Variants in MYO9A observed in about 807,000 individuals in gnomAD.
MYO9A encodes the protein myosin IXA, also known as unconventional myosin-IXa.
A neutral mutation model predicts 293.3 loss-of-function variants in MYO9A; 103 were observed. The ratio of observed to expected loss-of-function variants is 0.35; its 90% confidence interval spans 0.30 to 0.41. The LOEUF (loss-of-function observed/expected upper bound fraction) is 0.41, where lower values mean the gene tolerates loss of function less well. Among genes scored for constraint, MYO9A ranks in the 10% least tolerant of loss-of-function variants. The pLI, the probability that MYO9A is intolerant of heterozygous loss-of-function variation, is 1.00. For missense variants in MYO9A, 2,685 were observed against 3,033.0 expected, an observed-to-expected ratio of 0.89 and a Z score of 2.69; for synonymous variants, 1,001 against 1,035.7, an observed-to-expected ratio of 0.97 and a Z score of 0.64.
chr15:72,112,063 G>C (rs559416969), intron 1 of MYO9A, among the ~76,000 whole-genome samples: 3 of 152,038 alleles, frequency 2.0e-5, no homozygotes, highest in South Asian at 2.1e-4. Context: ...TCCACTTAAT[G>C]GATTTAAGAT....
At chr15:72,090,859 T>C (rs2079882062) in intron 1 of MYO9A, among the ~76,000 whole-genome samples, 1 of 151,966 alleles carries the variant, frequency 6.6e-6, no homozygotes, top group Non-Finnish European at 1.5e-5. Context: ...TGATACTGTA[T>C]ATAAATAAAC....
Position 72,000,599 on chromosome 15 carries a change from T to C in MYO9A, c.1381-659A>G, listed in dbSNP as rs1231274444. 2.0e-5 allele frequency among the ~76,000 whole-genome samples: 3 copies of C among 152,222 alleles called. No homozygotes were observed. In the East Asian group the frequency reaches 5.8e-4, roughly 29 times the overall value. ...TAATGTTTATCTATAAAGTACCATATTGCCCATATGTTCTTCAGATCTAAC... is the reference window on the plus strand; with the variant it reads ...TAATGTTTATCTATAAAGTACCATACTGCCCATATGTTCTTCAGATCTAAC... On this transcript the variant is annotated intron_variant, in intron 8 of 41. Coordinates refer to ENST00000356056, the MANE Select transcript of MYO9A (RefSeq NM_006901.4).
At chr15:71,854,103 C>G (rs1371355236) in intron 35 of MYO9A, among the ~76,000 whole-genome samples, 1 of 152,162 alleles carries the variant, frequency 6.6e-6, no homozygotes, top group African/African-American at 2.4e-5. Flanking sequence ...TTCTCTTTGT[C>G]AATCAGAGGT....
chr15:71,995,190 AT>A (rs1235919005), intron 9 of MYO9A, among the ~76,000 whole-genome samples: 1 of 152,184 alleles, frequency 6.6e-6, no homozygotes, highest in African/African-American at 2.4e-5. Flanking sequence ...AGAAGGTATA[AT>A]TGGAAGTTTA....
intron 1 of MYO9A, among the ~76,000 whole-genome samples, chr15:72,081,966 A>G (rs1006081368): frequency 4.6e-5 from 7 of 152,134 alleles, no homozygotes; most frequent in African/African-American, 1.7e-4. Flanking sequence ...AGTCTGGTAG[A>G]TGCCTCCAAC....
chr15:71,956,165 C>T (rs937361024), intron 14 of MYO9A, among the ~76,000 whole-genome samples: 2 of 150,836 alleles, frequency 1.3e-5, no homozygotes, highest in African/African-American at 4.9e-5. Context: ...AAAGAAAAGG[C>T]CAGGCATGGT....
At chr15:71,939,086 T>C (rs1480148681) in intron 15 of MYO9A, 159 bp from the exon 16 acceptor site, 3 of 535,924 alleles carry the variant, frequency 5.6e-6, no homozygotes, top group African/African-American at 2.0e-5. Context: ...ATAACTGTCA[T>C]AGATCTTAGT....
chr15:72,098,859 G>C (rs1382354001), intron 1 of MYO9A, among the ~76,000 whole-genome samples: 1 of 151,724 alleles, frequency 6.6e-6, no homozygotes, highest in African/African-American at 2.4e-5. Flanking sequence ...ATCATATTTT[G>C]GTTAGAAAAG....
chr15:71,844,263 C>T (rs1389531034), intron 39 of MYO9A, among the ~76,000 whole-genome samples: 1 of 152,176 alleles, frequency 6.6e-6, no homozygotes, highest in Non-Finnish European at 1.5e-5. Flanking sequence ...TCCATCTCTC[C>T]CTCCTTCCTT....
intron 41 of MYO9A, among the ~76,000 whole-genome samples, chr15:71,827,528 CAAAACAA>C (rs1320304963): frequency 4.0e-5 from 6 of 151,390 alleles, no homozygotes; most frequent in Admixed American, 6.6e-5. Flanking sequence ...CAAAACAAAA[CAAAACAA>C]AAAACAAAAA....
chr15:72,081,613 T>G (rs977301852), intron 1 of MYO9A, among the ~76,000 whole-genome samples: 1 of 152,246 alleles, frequency 6.6e-6, no homozygotes, highest in Non-Finnish European at 1.5e-5. Flanking sequence ...ATAAAATCTT[T>G]GCCCATTCCT....
In MYO9A at chr15:71,826,682, G is replaced by A. The variant is rs746077889; in HGVS notation, c.7545C>T (p.Thr2515=). The A allele has an allele frequency of 6.2e-7, 1 of 1,614,036 alleles. No homozygotes were observed. The highest frequency in any genetic ancestry group is 2.2e-5 in the East Asian group (1 of 44,868). ...VKNSPQKTKE[T]PEGTVMSGRR... is the part of the protein sequence containing the mutation. ...GGCCAGACATGACTGTCCCCTCTGG[G>A]GTCTCTTTGGTTTTCTGAGGTGAGT... The change falls in exon 42 of 42, where the codon ACC becomes ACT. Residue 2515 remains threonine, a synonymous_variant. Coordinates refer to ENST00000356056, the MANE Select transcript of MYO9A (RefSeq NM_006901.4).
intron 4 of MYO9A, among the ~76,000 whole-genome samples, chr15:72,027,268 T>A (rs1247778610): frequency 6.6e-6 from 1 of 152,218 alleles, no homozygotes; most frequent in Non-Finnish European, 1.5e-5. Context: ...AACCCTCTCT[T>A]AACCAAATCT....
intron 1 of MYO9A, among the ~76,000 whole-genome samples, chr15:72,099,151 A>C (rs1207666368): frequency 6.6e-6 from 1 of 152,130 alleles, no homozygotes; most frequent in African/African-American, 2.4e-5. Context: ...AAAAGTAGCC[A>C]GGTCCAGGCC....
intron 18 of MYO9A, among the ~76,000 whole-genome samples, chr15:71,926,662 G>A (rs1047239182): frequency 2.0e-5 from 3 of 152,186 alleles, no homozygotes; most frequent in South Asian, 2.1e-4. Flanking sequence ...AGCCACGATC[G>A]TACCACTGTA....
At chr15:71,992,593 G>A (rs529851546) in intron 10 of MYO9A, among the ~76,000 whole-genome samples, 1 of 151,994 alleles carries the variant, frequency 6.6e-6, no homozygotes, top group African/African-American at 2.4e-5. Flanking sequence ...ATGACTGTGA[G>A]TTTACCTGAA....
intron 3 of MYO9A, among the ~76,000 whole-genome samples, chr15:72,030,328 C>T (rs1656859537): frequency 1.3e-5 from 2 of 152,114 alleles, no homozygotes; most frequent in Admixed American, 1.3e-4. Context: ...GATCACACAG[C>T]TAGTAAAAAG....
intron 19 of MYO9A, among the ~76,000 whole-genome samples, chr15:71,907,733 A>G (rs1481555809): frequency 2.0e-5 from 3 of 151,414 alleles, no homozygotes; most frequent in East Asian, 1.9e-4. Flanking sequence ...TTGGCTGCAT[A>G]AATGTCTTCT....
intron 15 of MYO9A, among the ~76,000 whole-genome samples, chr15:71,941,521 G>A (rs1477034935): frequency 6.6e-6 from 1 of 152,280 alleles, no homozygotes; most frequent in East Asian, 1.9e-4. Context: ...TTTTAAAATA[G>A]CTATCTTGAG....
Sources: gnomAD v4.1 joint callset for allele counts (sites outside exome capture counted in the v4.1 genomes callset) on GRCh38, gnomAD v4.1.1 for gene constraint, MANE v1.5 for transcripts, NCBI Gene and HGNC (gene_info 2026-07-23, HGNC 2026-07-21) for gene names.